Variants in CDK19 observed in about 807,000 individuals in gnomAD.
CDK19 encodes the protein cyclin dependent kinase 19, also known as cyclin-dependent kinase 19.
In CDK19, 20 loss-of-function variants were observed where a neutral mutation model predicts 68.3. The observed-to-expected ratio is 0.29, with a 90% CI of 0.21 to 0.43. The LOEUF (loss-of-function observed/expected upper bound fraction) is 0.43, where lower values mean the gene tolerates loss of function less well. Among genes scored for constraint, CDK19 ranks in the 20% least tolerant of loss-of-function variants. The probability of loss-of-function intolerance (pLI) is 1.00; values close to 1 mark genes in which losing one functional copy is unlikely to be tolerated. For missense variants in CDK19, 339 were observed against 623.5 expected (o/e 0.54, Z 4.86); for synonymous variants, 221 against 222.8 (o/e 0.99, Z 0.07).
chr6:110,800,956 C>G (rs1276929550), intron 1 of CDK19, among the ~76,000 whole-genome samples: 2 of 152,008 alleles, frequency 1.3e-5, no homozygotes, highest in African/African-American at 2.4e-5. Flanking sequence ...CCAGAGCAAT[C>G]AGGCAAGAGA....
chr6:110,788,584 C>T (rs760019493), intron 1 of CDK19, among the ~76,000 whole-genome samples: 5 of 151,936 alleles, frequency 3.3e-5, no homozygotes, highest in Non-Finnish European at 5.9e-5. Flanking sequence ...TTCTTTTTTT[C>T]TCAAATCACA....
intron 2 of CDK19, among the ~76,000 whole-genome samples, chr6:110,715,085 T>C (rs943136596): frequency 6.6e-6 from 1 of 152,136 alleles, no homozygotes; most frequent in African/African-American, 2.4e-5. Flanking sequence ...GTTTCTTTTT[T>C]GTGAATATTC....
chr6:110,774,932 G>C (rs1477887524), intron 1 of CDK19, among the ~76,000 whole-genome samples: 1 of 152,128 alleles, frequency 6.6e-6, no homozygotes, highest in African/African-American at 2.4e-5. Flanking sequence ...CTGGGCGACA[G>C]AGCAAGACCC....
chr6:110,657,871 G>A (rs551803342), intron 4 of CDK19, among the ~76,000 whole-genome samples: 24 of 152,212 alleles, frequency 1.6e-4, no homozygotes, highest in African/African-American at 5.5e-4. Flanking sequence ...CTTGGAAGTG[G>A]GATTCTTGGT....
At chr6:110,665,144 A>C (rs1224247058) in intron 4 of CDK19, among the ~76,000 whole-genome samples, 2 of 152,246 alleles carry the variant, frequency 1.3e-5, no homozygotes, top group Non-Finnish European at 2.9e-5. Context: ...GAGCTGAGTA[A>C]TTAGTCAGAA....
At chr6:110,712,934 G>T (rs954027309) in intron 2 of CDK19, among the ~76,000 whole-genome samples, 1 of 152,160 alleles carries the variant, frequency 6.6e-6, no homozygotes, top group African/African-American at 2.4e-5. Context: ...ATATGGCCGG[G>T]TGTGGTGGCT....
intron 2 of CDK19, among the ~76,000 whole-genome samples, chr6:110,683,683 T>C (rs1451569750): frequency 2.6e-5 from 4 of 151,770 alleles, no homozygotes; most frequent in Non-Finnish European, 5.9e-5. Flanking sequence ...CTATTCTTTT[T>C]TAGTATAAGT....
At chr6:110,742,430 T>G (rs55832635) in intron 2 of CDK19, among the ~76,000 whole-genome samples, 2,945 of 152,222 alleles carry the variant, frequency 0.019, 101 homozygotes, top group African/African-American at 0.068. Flanking sequence ...ATGAAATCAG[T>G]GCACCCTGAA....
At chr6:110,661,298 G>C (rs981727979) in intron 4 of CDK19, among the ~76,000 whole-genome samples, 1 of 152,162 alleles carries the variant, frequency 6.6e-6, no homozygotes, top group Non-Finnish European at 1.5e-5. Context: ...CCCATTGTAT[G>C]TTGAAGATAC....
At chr6:110,713,048 T>C (rs1204150268) in intron 2 of CDK19, among the ~76,000 whole-genome samples, 1 of 151,592 alleles carries the variant, frequency 6.6e-6, no homozygotes, top group Non-Finnish European at 1.5e-5. Context: ...AATACAAAAA[T>C]TAGCTGGGCG....
chr6:110,779,672 T>C (rs989230020), intron 1 of CDK19, among the ~76,000 whole-genome samples: 1 of 152,158 alleles, frequency 6.6e-6, no homozygotes, highest in African/African-American at 2.4e-5. Context: ...TCCCAGCACT[T>C]TGGAAGGCTG....
rs887899863 is a variant in CDK19 at position 110,677,590 on chromosome 6, G to GGAA, written c.205-7052_205-7050dup. Reference sequence around the variant, plus strand: ...CAACATAAAAAAAAAAAAAAAAAAAGGAAGAAGAAGAAGAAGTGTCACCAT... The same window carrying GGAA: ...CAACATAAAAAAAAAAAAAAAAAAAGGAAGAAGAAGAAGAAGAAGTGTCACCAT... On this transcript the variant is annotated intron_variant, in intron 2 of 12. Coordinates refer to ENST00000368911, the MANE Select transcript of CDK19 (RefSeq NM_015076.5). 3.3e-3 allele frequency among the ~76,000 whole-genome samples: 476 copies of GGAA among 145,606 alleles called. 33 individuals are homozygous for GGAA. The South Asian group carries it at 0.1, about 30-fold the overall frequency.
intron 2 of CDK19, among the ~76,000 whole-genome samples, chr6:110,680,239 G>A (rs1349110223): frequency 6.6e-6 from 1 of 152,214 alleles, no homozygotes; most frequent in African/African-American, 2.4e-5. Flanking sequence ...ACACAGCTCT[G>A]AATATCTCAG....
chr6:110,615,617 C>T (rs1778263568), intron 12 of CDK19, among the ~76,000 whole-genome samples: 2 of 152,232 alleles, frequency 1.3e-5, no homozygotes, highest in Non-Finnish European at 2.9e-5. Flanking sequence ...CCAAACTGTT[C>T]TTGGTCATTG....
intron 1 of CDK19, among the ~76,000 whole-genome samples, chr6:110,813,005 G>A (rs1012437348): frequency 4.0e-5 from 6 of 149,290 alleles, no homozygotes; most frequent in Middle Eastern, 7.0e-3. Flanking sequence ...TTTCTTATAC[G>A]TAATACAGTG....
At position 110,716,463 on chromosome 6, in the gene CDK19, C is replaced by T. The variant is rs1481804199; in HGVS notation, c.204+29663G>A. On this transcript the variant is annotated intron_variant, in intron 2 of 12. Transcript: ENST00000368911. ...CCTAACAAATGACTTAGGAACAGTA[C>T]ACACTGTATGATCCCAGGTGATGCT... 2.6e-5 allele frequency among the ~76,000 whole-genome samples: 4 copies of T among 152,154 alleles called. No individual in the cohort carries two copies. The South Asian group carries it at 6.2e-4, about 24-fold the overall frequency.
Position 110,613,282 on chromosome 6 carries a change from T to G in CDK19, c.*1253A>C, listed in dbSNP as rs1401611241. The G allele has an allele frequency of 6.6e-6, 1 of 152,620 alleles. No individual in the cohort carries two copies. The highest frequency in any genetic ancestry group is 1.5e-5 in the Non-Finnish European group (1 of 68,022). The allele number at this position is 152,620 out of a possible 1,614,324, so 9.5% of individuals were successfully genotyped here. A position where few individuals can be genotyped will look rare whatever the true frequency, so the allele number is the denominator to read the frequency against. On this transcript the variant is annotated 3_prime_UTR_variant, in exon 13 of 13. Transcript: ENST00000368911. ...TAGTTTTTAGGCACAATTATTAAGTTTTCTCCTAGGGGCAAAAGAAATCAT... is the reference window on the plus strand; with the variant it reads ...TAGTTTTTAGGCACAATTATTAAGTGTTCTCCTAGGGGCAAAAGAAATCAT...
In CDK19 at chr6:110,621,978, T is replaced by C. The variant is rs777955562; in HGVS notation, c.1110+110A>G. ...GAAAATAAGATACATTCAAATTTAATTAAATATTAGAAAAGGTGGTTAAAT... is the reference window on the plus strand; with the variant it reads ...GAAAATAAGATACATTCAAATTTAACTAAATATTAGAAAAGGTGGTTAAAT... On this transcript the variant is annotated intron_variant, in intron 11 of 12. Transcript: ENST00000368911. This position sits in a 1 kb window ranked among gnomAD's most constrained non-coding sequence, Gnocchi z 5.4. 10 of 577,822 alleles carry C rather than the reference T, an allele frequency of 1.7e-5. No homozygotes were observed. The highest frequency in any genetic ancestry group is 2.7e-5 in the Non-Finnish European group (9 of 336,950). 35.8% of individuals were successfully genotyped at this position (577,822 alleles called of 1,614,324 possible). A position where few individuals can be genotyped will look rare whatever the true frequency, so the allele number is the denominator to read the frequency against.
At chr6:110,744,102 G>A (rs1002344030) in intron 2 of CDK19, among the ~76,000 whole-genome samples, 1 of 148,370 alleles carries the variant, frequency 6.7e-6, no homozygotes, top group Non-Finnish European at 1.5e-5. Context: ...AACCTCCTAG[G>A]TTCAAGCAAT....
Sources: gnomAD v4.1 joint callset for allele counts (sites outside exome capture counted in the v4.1 genomes callset) on GRCh38, gnomAD v4.1.1 for gene constraint, Gnocchi (gnomAD v3.1) non-coding constraint, MANE v1.5 for transcripts, NCBI Gene and HGNC (gene_info 2026-07-23, HGNC 2026-07-21) for gene names.